Variants in CACNA1G observed in about 807,000 individuals in gnomAD.
CACNA1G encodes calcium voltage-gated channel subunit alpha1 G, also known as voltage-dependent T-type calcium channel subunit alpha-1G.
In CACNA1G, 67 loss-of-function variants were observed where a neutral mutation model predicts 219.4. That is an observed-to-expected ratio of 0.31 (90% CI 0.25 to 0.37). The LOEUF is 0.37. Ranked by LOEUF, CACNA1G falls within the 10% of genes least tolerant of loss-of-function variation. CACNA1G has a pLI of 1.00. For missense variants in CACNA1G, 2,380 were observed against 3,231.4 expected, an observed-to-expected ratio of 0.74 and a Z score of 6.39; for synonymous variants, 1,296 against 1,345.3, an observed-to-expected ratio of 0.96 and a Z score of 0.80.
At chr17:50,576,398 G>T in intron 8 of CACNA1G, 72 bp downstream of exon 8, 1 of 1,441,520 alleles carries the variant, frequency 6.9e-7, no homozygotes, top group Non-Finnish European at 9.5e-7. Context: ...GGGGACTAGG[G>T]GGTCTGGAGT....
rs754234942 is a variant in CACNA1G at position 50,618,145 on chromosome 17, G to C, written c.5305+19G>C. The C allele has an allele frequency of 4.3e-6, 7 of 1,613,560 alleles. No homozygotes were observed. The highest frequency in any genetic ancestry group is 5.1e-6 in the Non-Finnish European group (6 of 1,179,634). On this transcript the variant is annotated intron_variant, in intron 31 of 37. Coordinates refer to ENST00000359106, the MANE Select transcript of CACNA1G (RefSeq NM_018896.5). This position sits in a 1 kb window ranked among gnomAD's most constrained non-coding sequence, Gnocchi z 5.3. ...GACCTGGGTGAGTTGGGGTAGGGGAGGGTGGAGGAGCCAGGGCTGGAGACC... is the reference window on the plus strand; with the variant it reads ...GACCTGGGTGAGTTGGGGTAGGGGACGGTGGAGGAGCCAGGGCTGGAGACC...
intron 26 of CACNA1G, among the ~76,000 whole-genome samples, chr17:50,611,603 C>G (rs370052800): frequency 1.3e-5 from 2 of 152,350 alleles, no homozygotes; most frequent in South Asian, 4.1e-4. Flanking sequence ...CCCCACATCT[C>G]TGCATCAGGC....
In CACNA1G at chr17:50,561,607, G is replaced by T; in HGVS notation, c.148G>T (p.Gly50Trp). The change falls in exon 1 of 38, where the codon GGG becomes TGG. Residue 50 changes from glycine to tryptophan, a missense_variant. Physicochemically the swap from Gly to Trp is radical, Grantham distance 184. Around this residue, in one of 17 missense-constraint regions of CACNA1G, gnomAD observed 98 missense variants for 85.5 expected, o/e 1.15. Coordinates refer to ENST00000359106, the MANE Select transcript of CACNA1G (RefSeq NM_018896.5). Reference protein sequence around the residue: ...DPGSADSEAEGLPYPALAPVV... With the variant: ...DPGSADSEAEWLPYPALAPVV... ...GGGCAGCGCGGACTCCGAGGCGGAG[G>T]GGCTGCCGTACCCGGCGCTGGCCCC... is the stretch of plus-strand genomic sequence containing the variant. 1 of 1,588,482 alleles carries T rather than the reference G, an allele frequency of 6.3e-7. No individual in the cohort carries two copies.
At chr17:50,565,392 G>A (rs1024267837) in intron 1 of CACNA1G, among the ~76,000 whole-genome samples, 2 of 142,542 alleles carry the variant, frequency 1.4e-5, no homozygotes, top group African/African-American at 2.5e-5. Flanking sequence ...TGGGGCGGGG[G>A]GTTCTGCTGG....
At chr17:50,570,870 C>T (rs1462681398) in intron 4 of CACNA1G, among the ~76,000 whole-genome samples, 5 of 152,030 alleles carry the variant, frequency 3.3e-5, no homozygotes, top group Non-Finnish European at 5.9e-5. Flanking sequence ...CTGGCAGGGG[C>T]GAGGCTGGGC....
intron 28 of CACNA1G, among the ~76,000 whole-genome samples, chr17:50,616,922 C>G (rs1452295875): frequency 6.6e-6 from 1 of 152,160 alleles, no homozygotes; most frequent in Non-Finnish European, 1.5e-5. Context: ...CTCACAGCAG[C>G]CTTGACCTCC....
intron 22 of CACNA1G, among the ~76,000 whole-genome samples, chr17:50,604,688 G>A (rs1481930090): frequency 1.3e-5 from 2 of 152,250 alleles, no homozygotes; most frequent in African/African-American, 4.8e-5. Context: ...CAGCGTGCTG[G>A]CAGGCAGGCG....
chr17:50,623,733 A>T (rs189427918), intron 35 of CACNA1G, among the ~76,000 whole-genome samples, 174 bp from the exon 36 acceptor site: 85 of 151,876 alleles, frequency 5.6e-4, no homozygotes, highest in African/African-American at 2.0e-3. Context: ...GGGCTCATCC[A>T]TGTGTCTGCC....
At chr17:50,572,527 A>C (rs1598101195) in intron 5 of CACNA1G, 27 bp from the exon 6 acceptor site, 2 of 1,501,206 alleles carry the variant, frequency 1.3e-6, no homozygotes, top group Admixed American at 2.2e-5. Flanking sequence ...CCCCAGTCTC[A>C]CCCCTGTTCC....
chr17:50,596,825 A>T lies in CACNA1G; in HGVS notation c.3160A>T (p.Thr1054Ser), dbSNP rs778037681. The change falls in exon 16 of 38, where the codon ACC becomes TCC. Residue 1054 changes from threonine to serine, a missense_variant. Physicochemically the swap from Thr to Ser is moderately conservative, Grantham distance 58. Around this residue, in one of 17 missense-constraint regions of CACNA1G, gnomAD observed 418 missense variants for 434.3 expected, o/e 0.96. Coordinates refer to ENST00000359106, the MANE Select transcript of CACNA1G (RefSeq NM_018896.5). This position sits in a 1 kb window ranked among gnomAD's most constrained non-coding sequence, Gnocchi z 4.8. The stretch of plus-strand genomic sequence containing the variant: ...CACACCCATGTCGCTGCCCAAGAGC[A>T]CCAGCACGGGCCTGGGCGAGGCGCT... ...AATPMSLPKS[T>S]STGLGEALGP... 32 of 1,609,596 alleles carry T rather than the reference A, an allele frequency of 2.0e-5. No homozygotes were observed. In the South Asian group the frequency reaches 3.5e-4, roughly 18 times the overall value.
At chr17:50,568,731 G>T (rs918823667) in intron 1 of CACNA1G, 139 bp from the exon 2 acceptor site, 15 of 703,744 alleles carry the variant, frequency 2.1e-5, no homozygotes, top group Non-Finnish European at 2.6e-5. Context: ...GCTGGTCTGC[G>T]TGTATGTCAG....
intron 19 of CACNA1G, among the ~76,000 whole-genome samples, 186 bp from the exon 20 acceptor site, chr17:50,602,634 G>T (rs780572352): frequency 1.3e-5 from 2 of 152,224 alleles, no homozygotes; most frequent in African/African-American, 2.4e-5. Flanking sequence ...AGCTGCAGGG[G>T]AGTCAGGGGG....
chr17:50,599,758 C>G lies in CACNA1G; in HGVS notation c.3589C>G (p.Gln1197Glu). 3 of 1,613,642 alleles carry G rather than the reference C, an allele frequency of 1.9e-6. No homozygotes were observed. Among genetic ancestry groups the G allele is most frequent in the South Asian group, 1.1e-5 (1 of 91,066 alleles). The change falls in exon 17 of 38, where the codon CAG becomes GAG. Residue 1197 changes from glutamine to glutamate, a missense_variant. This residue lies in a region of CACNA1G where 418 missense variants were observed against 434.3 expected (regional missense o/e 0.96). Coordinates refer to ENST00000359106, the MANE Select transcript of CACNA1G (RefSeq NM_018896.5). ...ASGRGSASEH[Q>E]DCNGKSASGR... ...TGGCCGAGGGTCTGCTTCTGAGCAC[C>G]AGGACTGCAATGGCAAGTCGGCTTC...
Position 50,561,557 on chromosome 17 carries a change from G to A in CACNA1G, c.98G>A (p.Gly33Glu). 6.5e-7 allele frequency: 1 copy of A among 1,544,128 alleles called. No individual in the cohort carries two copies. Among genetic ancestry groups the A allele is most frequent in the South Asian group, 1.2e-5 (1 of 84,290 alleles). ...CTGTCGGGGGCCGGGGGCCGGCCGG[G>A]GCCGGGGTCAGCAGAAAAGGACCCG... ...NDLSGAGGRPGPGSAEKDPGS... is the reference protein window; with the variant it reads ...NDLSGAGGRPEPGSAEKDPGS... Residue 33 changes from glycine (G) to glutamate (E), a missense_variant, in exon 1 of 38, where the codon GGG (glycine) becomes GAG (glutamate). Transcript: ENST00000359106.
Position 50,571,522 on chromosome 17 carries a change from C to T in CACNA1G, c.587-356C>T, listed in dbSNP as rs1340298168. Among the ~76,000 whole-genome samples the T allele has an allele frequency of 6.6e-6, 1 of 152,180 alleles. No homozygotes were observed. Among genetic ancestry groups the T allele is most frequent in the Non-Finnish European group, 1.5e-5 (1 of 68,030 alleles). ...ACCTACACTTAGCAGCTGTGTGATA[C>T]TGGGTGAGTCAAGTCATTTCTCCAA... On this transcript the variant is annotated intron_variant, in intron 4 of 37. Coordinates refer to ENST00000359106, the MANE Select transcript of CACNA1G (RefSeq NM_018896.5). The surrounding 1 kb of genome is among the most constrained non-coding windows in gnomAD (Gnocchi z 4.3).
intron 13 of CACNA1G, among the ~76,000 whole-genome samples, chr17:50,592,511 A>G (rs2044541473): frequency 6.6e-6 from 1 of 152,204 alleles, no homozygotes; most frequent in Admixed American, 6.5e-5. Context: ...CTGACTGAGC[A>G]GATGAAGATG....
chr17:50,595,383 C>T (rs945804705), intron 14 of CACNA1G, among the ~76,000 whole-genome samples: 2 of 152,214 alleles, frequency 1.3e-5, no homozygotes, highest in African/African-American at 2.4e-5. Context: ...CCCGTGTGTG[C>T]GTGCCTGTGC....
At chr17:50,593,108 C>G (rs2044697582) in intron 13 of CACNA1G, among the ~76,000 whole-genome samples, 1 of 152,150 alleles carries the variant, frequency 6.6e-6, no homozygotes, top group South Asian at 2.1e-4. Context: ...GCCAGGGCAG[C>G]TGGTGGGGGA....
At chr17:50,607,521 T>C (rs2048196698) in intron 24 of CACNA1G, 1 of 379,436 alleles carries the variant, frequency 2.6e-6, no homozygotes, top group Non-Finnish European at 4.8e-6. Flanking sequence ...TGGTGAGTTT[T>C]ACACAGAAAT....
Sources: allele counts gnomAD v4.1 joint callset (sites outside exome capture counted in the v4.1 genomes callset), GRCh38; gene constraint gnomAD v4.1.1; regional missense constraint gnomAD v4.1.1; non-coding constraint Gnocchi (gnomAD v3.1); transcripts MANE v1.5; gene names NCBI Gene and HGNC (gene_info 2026-07-23, HGNC 2026-07-21).